The following STK33 variants were observed in gnomAD, a reference collection of about 807,000 sequenced individuals.
STK33 encodes the protein serine/threonine-protein kinase 33.
A neutral mutation model predicts 58.0 loss-of-function variants in STK33; 52 were observed. The observed-to-expected ratio is 0.90, with a 90% CI of 0.72 to 1.13. STK33 has a LOEUF of 1.13. Among genes scored for constraint, STK33 ranks in the 50% most tolerant of loss-of-function variants. The pLI is 0.00. For missense variants in STK33, 630 were observed against 604.2 expected (o/e 1.04, Z -0.45); for synonymous variants, 215 against 200.1 (o/e 1.07, Z -0.63).
At chr11:8,473,784 T>C (rs1949008950) in intron 5 of STK33, among the ~76,000 whole-genome samples, 1 of 152,198 alleles carries the variant, frequency 6.6e-6, no homozygotes, top group South Asian at 2.1e-4. Flanking sequence ...AGGCAAAATT[T>C]TGAGGAATGG....
chr11:8,542,182 C>T (rs1012720809), intron 1 of STK33, among the ~76,000 whole-genome samples: 1 of 152,140 alleles, frequency 6.6e-6, no homozygotes, highest in Non-Finnish European at 1.5e-5. Context: ...GTTACAGAAT[C>T]ACGATTAAAT....
At chr11:8,424,595 A>T (rs1032028685) in intron 14 of STK33, among the ~76,000 whole-genome samples, 1 of 151,276 alleles carries the variant, frequency 6.6e-6, no homozygotes, top group South Asian at 2.1e-4. Flanking sequence ...ACTAGTTTAC[A>T]GTCCCACCAA....
rs2136273239 is a variant in STK33, at chr11:8,436,127, T to G, written c.960A>C (p.Glu320Asp). The G allele has an allele frequency of 1.3e-6, 2 of 1,572,284 alleles. No individual in the cohort carries two copies. Among genetic ancestry groups the G allele is most frequent in the African/African-American group, 1.4e-5 (1 of 73,450 alleles). Reference protein sequence around the residue: ...GVVMYMLLRGEPPFLASSEEK... With the variant: ...GVVMYMLLRGDPPFLASSEEK... Reference sequence around the variant, plus strand: ...CTTCTGAGCTTGCCAAAAAGGGTGGTTCTCCACGTAATCTGCAACAAAGGC... The same window carrying G: ...CTTCTGAGCTTGCCAAAAAGGGTGGGTCTCCACGTAATCTGCAACAAAGGC... Residue 320 changes from glutamate (E) to aspartate (D), a missense_variant, in exon 13 of 16, where the codon GAA becomes GAC. Physicochemically the swap from Glu to Asp is conservative, Grantham distance 45 (BLOSUM62 2). Transcript: ENST00000687296.
At chr11:8,568,414 T>C (rs528577364) in intron 1 of STK33, among the ~76,000 whole-genome samples, 33 of 152,286 alleles carry the variant, frequency 2.2e-4, no homozygotes, top group African/African-American at 7.7e-4. Context: ...ATTATATATG[T>C]AAAACCACAA....
chr11:8,533,743 G>A (rs867740127), intron 1 of STK33, among the ~76,000 whole-genome samples: 26 of 152,080 alleles, frequency 1.7e-4, no homozygotes, highest in African/African-American at 6.0e-4. Flanking sequence ...AATTTGATAT[G>A]TAAAATAAAG....
At chr11:8,435,887 G>T (rs1393068290) in intron 13 of STK33, 140 bp downstream of exon 13, 5 of 486,226 alleles carry the variant, frequency 1.0e-5, no homozygotes, top group African/African-American at 1.0e-4. Flanking sequence ...TGAAGATATC[G>T]CTATTTCCAC....
intron 1 of STK33, among the ~76,000 whole-genome samples, chr11:8,484,073 G>A (rs1161997972): frequency 1.3e-5 from 2 of 152,086 alleles, no homozygotes; most frequent in African/African-American, 4.8e-5. Flanking sequence ...TATTTTTCAT[G>A]TACACAAACT....
the STK33 span, among the ~76,000 whole-genome samples, chr11:8,350,217 C>T: frequency 6.6e-6 from 1 of 152,226 alleles, no homozygotes; most frequent in Non-Finnish European, 1.5e-5. Flanking sequence ...ACTCTGCAGC[C>T]TGTGCCTTCT....
intron 6 of STK33, among the ~76,000 whole-genome samples, chr11:8,468,159 A>C (rs1193095122): frequency 6.6e-6 from 1 of 152,194 alleles, no homozygotes; most frequent in Non-Finnish European, 1.5e-5. Context: ...AGCAAGTCAC[A>C]TCTTACGTGG....
chr11:8,458,649 G>A (rs1211471591), intron 8 of STK33, among the ~76,000 whole-genome samples: 1 of 152,066 alleles, frequency 6.6e-6, no homozygotes, highest in Non-Finnish European at 1.5e-5. Flanking sequence ...CTGTTCATGT[G>A]GGGCCATATT....
At position 8,458,977 on chromosome 11, in the gene STK33, A is replaced by T. The variant is rs373266847; in HGVS notation, c.559-1498T>A. ...CAGGCAGTTTTAGAATTTCAAAAGT[A>T]ACTGCAAAATCTAACACATAAATAA... On this transcript the variant is annotated intron_variant, in intron 8 of 15. Coordinates refer to ENST00000687296, the MANE Select transcript of STK33 (RefSeq NM_001352389.2). Among the ~76,000 whole-genome samples, 45 of 152,334 alleles carry T rather than the reference A, an allele frequency of 3.0e-4. No homozygotes were observed. The East Asian group carries it at 4.8e-3, about 16-fold the overall frequency.
intron 1 of STK33, among the ~76,000 whole-genome samples, chr11:8,489,257 C>CAAAAAAAAAAAAA (rs377017514): frequency 3.1e-5 from 2 of 64,326 alleles, no homozygotes; most frequent in Non-Finnish European, 5.9e-5. Flanking sequence ...AAGCTATCTC[C>CAAAAAAAAAAAAA]AAAAAAAAAA....
chr11:8,354,968 T>G, the STK33 span, among the ~76,000 whole-genome samples: 1 of 152,196 alleles, frequency 6.6e-6, no homozygotes, highest in African/African-American at 2.4e-5. Flanking sequence ...CTGTTTCTGA[T>G]CTCTTCTTGC....
At chr11:8,483,764 T>C (rs1173822141) in intron 1 of STK33, among the ~76,000 whole-genome samples, 2 of 152,220 alleles carry the variant, frequency 1.3e-5, no homozygotes, top group Non-Finnish European at 2.9e-5. Context: ...AAATTCACTA[T>C]AGTCAGTGTT....
intron 15 of STK33, among the ~76,000 whole-genome samples, chr11:8,402,407 T>C (rs940810656): frequency 5.3e-5 from 8 of 151,930 alleles, no homozygotes; most frequent in African/African-American, 7.3e-5. Flanking sequence ...TAGGTGGGAA[T>C]TGAACAATGA....
Position 8,457,621 on chromosome 11 carries a change from T to C in STK33, c.559-142A>G, listed in dbSNP as rs183236424. ...ATTATCTATTATGTACAAGATACCA[T>C]ACTGGATACTAGAGAAACAAAAAGG... On this transcript the variant is annotated intron_variant, in intron 8 of 15. Transcript: ENST00000687296. 1.5e-4 allele frequency: 108 copies of C among 706,788 alleles called. No individual in the cohort carries two copies. In the East Asian group the frequency reaches 3.0e-3, roughly 19 times the overall value. The allele number at this position is 706,788 out of a possible 1,614,324, so 43.8% of individuals were successfully genotyped here.
At chr11:8,525,827 A>AT (rs1268924779) in intron 1 of STK33, among the ~76,000 whole-genome samples, 18 of 152,254 alleles carry the variant, frequency 1.2e-4, no homozygotes, top group African/African-American at 4.3e-4. Context: ...TTTAGAATGT[A>AT]TAAAAACTTC....
chr11:8,338,403 T>A, the STK33 span, among the ~76,000 whole-genome samples: 17 of 152,210 alleles, frequency 1.1e-4, no homozygotes, highest in African/African-American at 3.6e-4. Context: ...ATGGCTTCTA[T>A]GTCCAGGACG....
intron 1 of STK33, among the ~76,000 whole-genome samples, chr11:8,506,566 G>T (rs186660536): frequency 6.6e-6 from 1 of 152,096 alleles, no homozygotes; most frequent in Non-Finnish European, 1.5e-5. Flanking sequence ...AAGGTTCTCC[G>T]ATTTTTTTAA....
Sources: gnomAD v4.1 joint callset for allele counts (sites outside exome capture counted in the v4.1 genomes callset) on GRCh38, gnomAD v4.1.1 for gene constraint, MANE v1.5 for transcripts, NCBI Gene and HGNC (gene_info 2026-07-23, HGNC 2026-07-21) for gene names.